Variants in NUP153 observed in about 807,000 individuals in gnomAD.
NUP153 encodes the protein nuclear pore complex protein Nup153.
NUP153 carries 27 observed loss-of-function variants against 134.6 expected under a neutral mutation model. The observed-to-expected ratio is 0.20, with a 90% confidence interval of 0.15 to 0.28. The LOEUF is 0.28. Ranked by LOEUF, NUP153 falls within the 10% of genes least tolerant of loss-of-function variation. The pLI, the probability that NUP153 is intolerant of heterozygous loss-of-function variation, is 1.00. For synonymous variants in NUP153, 640 were observed against 623.5 expected (o/e 1.03, Z -0.40); for missense variants, 1,821 against 1,731.3 (o/e 1.05, Z -0.92).
chr6:17,641,517 G>A lies in NUP153; in HGVS notation c.1721-1453C>T, dbSNP rs1217146897. ...GCCACTGTACTCCAGCCTGGTGACA[G>A]AGCGAGACTCCGTCTCAAAAACAAA... On this transcript the variant is annotated intron_variant, in intron 14 of 21. Coordinates refer to ENST00000262077, the MANE Select transcript of NUP153 (RefSeq NM_005124.4). 6.6e-5 allele frequency among the ~76,000 whole-genome samples: 10 copies of A among 152,162 alleles called. No individual in the cohort carries two copies. The South Asian group carries it at 2.1e-3, about 32-fold the overall frequency.
chr6:17,666,914 C>G (rs1178812002), intron 8 of NUP153, among the ~76,000 whole-genome samples: 2 of 152,206 alleles, frequency 1.3e-5, no homozygotes, highest in African/African-American at 2.4e-5. Context: ...CCTAAAACCT[C>G]TTCGCAAATG....
At chr6:17,632,904 G>T in intron 16 of NUP153, 60 bp from the exon 17 acceptor site, 2 of 1,292,908 alleles carry the variant, frequency 1.5e-6, no homozygotes, top group Non-Finnish European at 2.1e-6. Flanking sequence ...TTAATTTACA[G>T]TATGTCAGTA....
At position 17,640,761 on chromosome 6, in the gene NUP153, C is replaced by G. The variant is rs80307851; in HGVS notation, c.1721-697G>C. ...CCTCTCAAGTAGCCAGGAACACAGG[C>G]GCATGCCACCACATCTAGCTCATTT... On this transcript the variant is annotated intron_variant, in intron 14 of 21. Transcript: ENST00000262077. Among the ~76,000 whole-genome samples the G allele has an allele frequency of 3.3e-5, 5 of 152,022 alleles. No homozygotes were observed. The South Asian group carries it at 8.3e-4, about 25-fold the overall frequency.
At chr6:17,688,298 A>T in intron 2 of NUP153, 98 bp downstream of exon 2, 1 of 822,104 alleles carries the variant, frequency 1.2e-6, no homozygotes, top group South Asian at 1.6e-5. Context: ...CATATGGTTT[A>T]TGTACCGCCT....
chr6:17,703,517 A>G (rs2150255987), intron 1 of NUP153, among the ~76,000 whole-genome samples: 1 of 152,324 alleles, frequency 6.6e-6, no homozygotes, highest in Admixed American at 6.5e-5. Context: ...ATGCCATGTC[A>G]TGAAGCTTGC....
chr6:17,652,665 G>C (rs755284457), intron 11 of NUP153, among the ~76,000 whole-genome samples: 3 of 152,162 alleles, frequency 2.0e-5, no homozygotes, highest in African/African-American at 4.8e-5. Flanking sequence ...AAAAATATTT[G>C]TTAAGAAATG....
At position 17,661,662 on chromosome 6, in the gene NUP153, C is replaced by T. The variant is rs776682589; in HGVS notation, c.1386G>A (p.Leu462=). The change falls in exon 11 of 22, where the codon CTG becomes CTA. Residue 462 remains leucine (L), a synonymous_variant. Transcript: ENST00000262077. ...GAGTATACAACCCTACCTCCTCCTC[C>T]AGAGGTTTAGAAGCAACAAAGCGTG... ...ERTRFVASKP[L]EEEEMEVPVL... is the part of the protein sequence containing the mutation. The T allele has an allele frequency of 6.2e-7, 1 of 1,613,514 alleles. No homozygotes were observed. Among genetic ancestry groups the T allele is most frequent in the East Asian group, 2.2e-5 (1 of 44,842 alleles).
chr6:17,656,796 G>A lies in NUP153; in HGVS notation c.1395+4857C>T, dbSNP rs1280854613. Among the ~76,000 whole-genome samples, 5 of 152,326 alleles carry A rather than the reference G, an allele frequency of 3.3e-5. No individual in the cohort carries two copies. The East Asian group carries it at 9.7e-4, about 29-fold the overall frequency. ...GGGAAGGAAAGAGGAAGTCTGAAAA[G>A]TCCTTCGACGTGCACAGTTGTCTCT... On this transcript the variant is annotated intron_variant, in intron 11 of 21. Coordinates refer to ENST00000262077, the MANE Select transcript of NUP153 (RefSeq NM_005124.4).
chr6:17,631,771 C>A (rs1765267831), intron 17 of NUP153, among the ~76,000 whole-genome samples: 1 of 151,980 alleles, frequency 6.6e-6, no homozygotes, highest in South Asian at 2.1e-4. Flanking sequence ...TTGAGACCAT[C>A]CTGGCTAACA....
At chr6:17,668,836 G>C in intron 8 of NUP153, 139 bp downstream of exon 8, 2 of 585,054 alleles carry the variant, frequency 3.4e-6, no homozygotes, top group Non-Finnish European at 5.8e-6. Flanking sequence ...GAGCGAGACT[G>C]AGACTCAAAA....
At chr6:17,651,128 G>T (rs567293490) in intron 11 of NUP153, among the ~76,000 whole-genome samples, 16 of 151,924 alleles carry the variant, frequency 1.1e-4, no homozygotes, top group Non-Finnish European at 2.1e-4. Flanking sequence ...GCAAGACCCC[G>T]TCTCTATAAA....
chr6:17,632,396 C>G (rs1008339024), intron 17 of NUP153, among the ~76,000 whole-genome samples: 1 of 152,138 alleles, frequency 6.6e-6, no homozygotes, highest in Non-Finnish European at 1.5e-5. Flanking sequence ...AACAAAAACT[C>G]TCTGAGGCTC....
At chr6:17,667,437 A>C (rs533201638) in intron 8 of NUP153, among the ~76,000 whole-genome samples, 2 of 152,324 alleles carry the variant, frequency 1.3e-5, no homozygotes, top group African/African-American at 4.8e-5. Context: ...AATCCAAGCC[A>C]GGCACGGTGG....
At chr6:17,646,210 GC>G (rs1384951178) in intron 13 of NUP153, 56 bp from the exon 14 acceptor site, 2 of 923,164 alleles carry the variant, frequency 2.2e-6, no homozygotes, top group Non-Finnish European at 3.5e-6. Context: ...CAAATATAGA[GC>G]TTTTTTATTC....
rs1162477279 is a variant in NUP153 at position 17,638,693 on chromosome 6, C to T, written c.1847-923G>A. 1.3e-5 allele frequency among the ~76,000 whole-genome samples: 2 copies of T among 152,194 alleles called. No homozygotes were observed. ...CAGTCAAATGAAGATTCTCCCCAAA[C>T]ATTTCCTATTTAAGAAGTAAAAAGG... On this transcript the variant is annotated intron_variant, in intron 15 of 21. Transcript: ENST00000262077. The surrounding 1 kb of genome is among the most constrained non-coding windows in gnomAD (Gnocchi z 4.0).
At chr6:17,691,108 C>T (rs2113853697) in intron 1 of NUP153, among the ~76,000 whole-genome samples, 1 of 152,212 alleles carries the variant, frequency 6.6e-6, no homozygotes, top group East Asian at 1.9e-4. Context: ...CGCCATTGCA[C>T]TCCAGCCTGG....
At chr6:17,639,347 G>A (rs866756053) in intron 15 of NUP153, among the ~76,000 whole-genome samples, 9 of 151,982 alleles carry the variant, frequency 5.9e-5, no homozygotes, top group South Asian at 4.2e-4. Flanking sequence ...CCAAAGTGCT[G>A]GGATTACAAG....
At chr6:17,681,434 A>C (rs956571941) in intron 2 of NUP153, among the ~76,000 whole-genome samples, 6 of 152,038 alleles carry the variant, frequency 3.9e-5, no homozygotes, top group Non-Finnish European at 8.8e-5. Flanking sequence ...AAATACAAAA[A>C]ATTAGCCGGG....
In NUP153 at chr6:17,686,211, C is replaced by T. The variant is rs77917493; in HGVS notation, c.334+2185G>A. Among the ~76,000 whole-genome samples, 1,343 of 152,008 alleles carry T rather than the reference C, an allele frequency of 8.8e-3. 10 individuals are homozygous for T. The highest frequency in any genetic ancestry group is 0.014 in the Non-Finnish European group (934 of 67,978). ...AACTGTAAACAGCCTTAGGTAAGTC[C>T]TTCTGGAAGTATTCCAGAAGAAGGC... On this transcript the variant is annotated intron_variant, in intron 2 of 21. Coordinates refer to ENST00000262077, the MANE Select transcript of NUP153 (RefSeq NM_005124.4).
Sources: gnomAD v4.1 joint callset for allele counts (sites outside exome capture counted in the v4.1 genomes callset) on GRCh38, gnomAD v4.1.1 for gene constraint, Gnocchi (gnomAD v3.1) non-coding constraint, MANE v1.5 for transcripts, NCBI Gene and HGNC (gene_info 2026-07-23, HGNC 2026-07-21) for gene names.